The following DPYD variants were observed in gnomAD, a reference collection of about 807,000 sequenced individuals.
DPYD encodes the protein dihydropyrimidine dehydrogenase [NADP(+)].
In DPYD, 109 loss-of-function variants were observed where a neutral mutation model predicts 116.2. The observed-to-expected ratio is 0.94, with a 90% confidence interval of 0.80 to 1.10. The LOEUF is 1.10. DPYD is among the 50% of genes least tolerant of loss of function. The pLI is 0.00. For synonymous variants in DPYD, 440 were observed against 432.0 expected, an observed-to-expected ratio of 1.02 and a Z score of -0.23; for missense variants, 1,302 against 1,254.5, an observed-to-expected ratio of 1.04 and a Z score of -0.57.
At chr1:97,679,030 C>T (rs897086011) in intron 8 of DPYD, 65 bp downstream of exon 8, 3 of 748,850 alleles carry the variant, frequency 4.0e-6, no homozygotes, top group Non-Finnish European at 6.2e-6. Context: ...AGTCATTCTT[C>T]TGGATATTGC....
At chr1:97,798,144 A>G (rs1366897973) in intron 3 of DPYD, 3 of 152,080 alleles carry the variant, frequency 2.0e-5, no homozygotes, top group Admixed American at 2.0e-4. Context: ...AAATATCCTC[A>G]AAATTCTTTT....
intron 3 of DPYD, among the ~76,000 whole-genome samples, chr1:97,753,934 G>T (rs1223487839): frequency 1.3e-5 from 2 of 151,960 alleles, no homozygotes; most frequent in African/African-American, 4.8e-5. Context: ...TGACATAAAA[G>T]TAGCTCAGAA....
chr1:97,787,126 C>A (rs1329261458), intron 3 of DPYD, among the ~76,000 whole-genome samples: 1 of 152,108 alleles, frequency 6.6e-6, no homozygotes, highest in African/African-American at 2.4e-5. Context: ...AATACTACTA[C>A]AATTTTCAAG....
rs1385719370 is a variant in DPYD, at chr1:97,680,949, G to A, written c.763-1767C>T. On this transcript the variant is annotated intron_variant, in intron 7 of 22. Transcript: ENST00000370192. ...CACAATGCCTGGTAGGTTTCTTTGTGTTCTGAAGGCAAAATGTTCCTAAAA... is the reference window on the plus strand; with the variant it reads ...CACAATGCCTGGTAGGTTTCTTTGTATTCTGAAGGCAAAATGTTCCTAAAA... 2.6e-5 allele frequency among the ~76,000 whole-genome samples: 4 copies of A among 152,056 alleles called. No homozygotes were observed. The East Asian group carries it at 7.7e-4, about 29-fold the overall frequency.
intron 8 of DPYD, among the ~76,000 whole-genome samples, chr1:97,675,531 A>G (rs1477635999): frequency 6.6e-6 from 1 of 152,224 alleles, no homozygotes; most frequent in Non-Finnish European, 1.5e-5. Context: ...TCTAAAAATG[A>G]GAGACTTTTC....
intron 13 of DPYD, among the ~76,000 whole-genome samples, chr1:97,454,931 C>T (rs1450188978): frequency 1.3e-5 from 2 of 151,804 alleles, no homozygotes; most frequent in African/African-American, 4.8e-5. Flanking sequence ...ATCATGGCTA[C>T]ATATACCATA....
chr1:97,761,623 G>A (rs545511102), intron 3 of DPYD, among the ~76,000 whole-genome samples: 25 of 152,154 alleles, frequency 1.6e-4, no homozygotes, highest in South Asian at 1.0e-3. Flanking sequence ...TGGCAATTCC[G>A]TAACTGAAAA....
chr1:97,322,198 A>G (rs1668327598), intron 16 of DPYD, among the ~76,000 whole-genome samples: 1 of 149,658 alleles, frequency 6.7e-6, no homozygotes, highest in Non-Finnish European at 1.5e-5. Context: ...ACTAACCTGC[A>G]CAATGTGCAC....
At chr1:97,116,583 G>C (rs1651982844) in intron 20 of DPYD, among the ~76,000 whole-genome samples, 3 of 151,876 alleles carry the variant, frequency 2.0e-5, no homozygotes, top group African/African-American at 4.8e-5. Flanking sequence ...GAGGTGGAAG[G>C]ATTGCTTGAG....
At chr1:97,296,355 G>C (rs1299068986) in intron 18 of DPYD, among the ~76,000 whole-genome samples, 1 of 151,782 alleles carries the variant, frequency 6.6e-6, no homozygotes, top group African/African-American at 2.4e-5. Context: ...CAAATATTTA[G>C]GTAAAATGAC....
At chr1:97,157,229 C>A (rs57893648) in intron 20 of DPYD, among the ~76,000 whole-genome samples, 4,491 of 151,360 alleles carry the variant, frequency 0.03, 236 homozygotes, top group East Asian at 0.24. Flanking sequence ...AACTAACCTG[C>A]ACATTGTGCA....
chr1:97,614,015 T>C (rs936477670), intron 8 of DPYD, among the ~76,000 whole-genome samples: 2 of 152,090 alleles, frequency 1.3e-5, no homozygotes, highest in African/African-American at 4.8e-5. Context: ...TGAGTTGATA[T>C]TCAAGTAACT....
At chr1:97,436,550 C>G (rs746985611) in intron 14 of DPYD, among the ~76,000 whole-genome samples, 2 of 151,834 alleles carry the variant, frequency 1.3e-5, no homozygotes, top group Non-Finnish European at 2.9e-5. Context: ...CCAAAGGCAG[C>G]CTGACAAATT....
intron 18 of DPYD, among the ~76,000 whole-genome samples, chr1:97,262,288 T>A (rs550226341): frequency 4.5e-4 from 69 of 152,172 alleles, no homozygotes; most frequent in Non-Finnish European, 8.5e-4. Flanking sequence ...GTTCTTTGAG[T>A]CTTGGTTTCC....
intron 11 of DPYD, among the ~76,000 whole-genome samples, chr1:97,561,311 C>G (rs755196771): frequency 2.6e-5 from 4 of 152,098 alleles, no homozygotes; most frequent in Non-Finnish European, 5.9e-5. Context: ...CTCACAAATA[C>G]AACACTTTCA....
At chr1:97,882,899 A>G (rs1176459194) in intron 2 of DPYD, among the ~76,000 whole-genome samples, 1 of 152,056 alleles carries the variant, frequency 6.6e-6, no homozygotes, top group Non-Finnish European at 1.5e-5. Context: ...TTGTGTCATT[A>G]GGCAAAACAA....
intron 3 of DPYD, among the ~76,000 whole-genome samples, chr1:97,823,407 A>C (rs1669064456): frequency 6.6e-6 from 1 of 151,996 alleles, no homozygotes; most frequent in Admixed American, 6.6e-5. Context: ...AAATTTTCTC[A>C]CGTTATTTTA....
intron 20 of DPYD, among the ~76,000 whole-genome samples, chr1:97,141,020 T>C (rs556479090): frequency 6.6e-6 from 1 of 152,208 alleles, no homozygotes; most frequent in Admixed American, 6.6e-5. Context: ...AATAGATCTG[T>C]AAACATGAGG....
At chr1:97,584,694 C>T (rs1486758162) in intron 10 of DPYD, among the ~76,000 whole-genome samples, 1 of 149,240 alleles carries the variant, frequency 6.7e-6, no homozygotes, top group African/African-American at 2.5e-5. Flanking sequence ...CAAACTACCG[C>T]AACGACAAAA....
Sources: allele counts gnomAD v4.1 joint callset (sites outside exome capture counted in the v4.1 genomes callset), GRCh38; gene constraint gnomAD v4.1.1; transcripts MANE v1.5; gene names NCBI Gene and HGNC (gene_info 2026-07-23, HGNC 2026-07-21).